GPRIN3: variants seen among roughly 807,000 people sequenced by gnomAD.
The protein encoded by GPRIN3 is G protein-regulated inducer of neurite outgrowth 3.
Under a neutral mutation model 13.7 loss-of-function variants are expected in GPRIN3, and 12 were observed. The ratio of observed to expected loss-of-function variants is 0.87; its 90% CI spans 0.56 to 1.42. The LOEUF is 1.42. Ranked by LOEUF, GPRIN3 falls within the 40% of genes most tolerant of loss-of-function variation. The pLI is 0.00. For synonymous variants in GPRIN3, 377 were observed against 372.7 expected (o/e 1.01, Z -0.13); for missense variants, 1,009 against 958.7 (o/e 1.05, Z -0.69).
chr4:89,263,082 C>T (rs1723677525), intron 1 of GPRIN3, among the ~76,000 whole-genome samples: 1 of 152,196 alleles, frequency 6.6e-6, no homozygotes, highest in African/African-American at 2.4e-5. Context: ...TCTGTCAGTA[C>T]TGGGCTTAAC....
intron 1 of GPRIN3, among the ~76,000 whole-genome samples, chr4:89,270,565 T>TTATATATA (rs1199230242): frequency 0.022 from 1,799 of 81,972 alleles, 34 homozygotes; most frequent in East Asian, 0.035. Flanking sequence ...TGTATATAAT[T>TTATATATA]TATATATATA....
At chr4:89,288,795 A>G (rs781063102) in intron 1 of GPRIN3, among the ~76,000 whole-genome samples, 21 of 152,216 alleles carry the variant, frequency 1.4e-4, no homozygotes, top group Non-Finnish European at 2.4e-4. Flanking sequence ...AACGTTAAAA[A>G]TGAGAATAAA....
intron 1 of GPRIN3, among the ~76,000 whole-genome samples, chr4:89,269,377 C>T (rs1235244526): frequency 2.0e-5 from 3 of 152,094 alleles, no homozygotes; most frequent in African/African-American, 7.2e-5. Context: ...TACTAAACTT[C>T]TCTTTCAGGG....
In GPRIN3 at chr4:89,246,334, C is replaced by G. The variant is rs1159907693; in HGVS notation, c.*1446G>C. 3.9e-5 allele frequency: 6 copies of G among 152,202 alleles called. No individual in the cohort carries two copies. Among genetic ancestry groups the G allele is most frequent in the Non-Finnish European group, 7.3e-5 (5 of 68,054 alleles). 9.4% of individuals were successfully genotyped at this position (152,202 alleles called of 1,614,324 possible). A position where few individuals can be genotyped will look rare whatever the true frequency, so the allele number is the denominator to read the frequency against. ...AAAATGGAGACCAGCACTCCCCCAA[C>G]AATATCTGCAGGAAGGGAAGGCTTC... is the stretch of plus-strand genomic sequence containing the variant. On this transcript the variant is annotated 3_prime_UTR_variant, in exon 2 of 2. Transcript: ENST00000609438.
At chr4:89,251,397 T>C (rs1723320996) in intron 1 of GPRIN3, among the ~76,000 whole-genome samples, 6 of 152,194 alleles carry the variant, frequency 3.9e-5, no homozygotes, top group Admixed American at 3.9e-4. Context: ...TACAGCTTTC[T>C]TATGGAGGCA....
Position 89,250,106 on chromosome 4 carries a change from C to G in GPRIN3, c.5G>C (p.Gly2Ala), listed in dbSNP as rs770033513. 6.2e-7 allele frequency: 1 copy of G among 1,610,590 alleles called. No individual in the cohort carries two copies. Among genetic ancestry groups the G allele is most frequent in the African/African-American group, 1.3e-5 (1 of 74,764 alleles). M[G>A]TVPDPLRSAK... ...TGATCTCAGAGGGTCAGGTACAGTC[C>G]CCATGGAATTTCTCTTCAGGAGCAC... Residue 2 changes from glycine to alanine, a missense_variant, in exon 2 of 2, where the codon GGG becomes GCG. Physicochemically the swap from Gly to Ala is moderately conservative, Grantham distance 60. Coordinates refer to ENST00000609438, the MANE Select transcript of GPRIN3 (RefSeq NM_198281.3).
chr4:89,256,538 C>T (rs770344660), intron 1 of GPRIN3, among the ~76,000 whole-genome samples: 54 of 152,248 alleles, frequency 3.5e-4, no homozygotes, highest in East Asian at 7.7e-4. Context: ...TTAAGCAGAA[C>T]GGATGGGGAG....
intron 1 of GPRIN3, among the ~76,000 whole-genome samples, chr4:89,295,790 T>C (rs1185067817): frequency 1.3e-5 from 2 of 152,088 alleles, no homozygotes; most frequent in Non-Finnish European, 2.9e-5. Flanking sequence ...GACTGTGACA[T>C]TTGTGTACCC....
intron 1 of GPRIN3, among the ~76,000 whole-genome samples, chr4:89,263,513 G>A (rs934252736): frequency 6.6e-6 from 1 of 152,170 alleles, no homozygotes; most frequent in Non-Finnish European, 1.5e-5. Flanking sequence ...GGCCAGGCAG[G>A]AAGCACTGTA....
At chr4:89,269,369 C>T (rs1472143284) in intron 1 of GPRIN3, among the ~76,000 whole-genome samples, 1 of 152,056 alleles carries the variant, frequency 6.6e-6, no homozygotes, top group Non-Finnish European at 1.5e-5. Flanking sequence ...TAGTATATTA[C>T]TAAACTTCTC....
intron 1 of GPRIN3, among the ~76,000 whole-genome samples, chr4:89,264,297 A>C (rs9307065): frequency 0.42 from 64,104 of 151,954 alleles, 14,385 homozygotes; most frequent in African/African-American, 0.58. Flanking sequence ...CCTCTCTCCC[A>C]GTTTGATCTC....
intron 1 of GPRIN3, among the ~76,000 whole-genome samples, chr4:89,256,946 C>T (rs550293954): frequency 1.3e-5 from 2 of 152,318 alleles, no homozygotes; most frequent in East Asian, 3.9e-4. Context: ...CAGATTCTGC[C>T]AGTGCAGAGT....
chr4:89,276,250 C>T (rs1284637529), intron 1 of GPRIN3, among the ~76,000 whole-genome samples: 1 of 152,026 alleles, frequency 6.6e-6, no homozygotes, highest in East Asian at 1.9e-4. Flanking sequence ...ATTTTTACTT[C>T]TCTTCTTATT....
intron 1 of GPRIN3, among the ~76,000 whole-genome samples, chr4:89,260,840 C>T: frequency 6.6e-6 from 1 of 152,134 alleles, no homozygotes; most frequent in East Asian, 1.9e-4. Flanking sequence ...CCTTAAATCA[C>T]ACAAAGACAA....
At chr4:89,295,236 A>G (rs970893017) in intron 1 of GPRIN3, among the ~76,000 whole-genome samples, 1 of 152,182 alleles carries the variant, frequency 6.6e-6, no homozygotes, top group African/African-American at 2.4e-5. Flanking sequence ...TTACAGCAAC[A>G]CACATTTTAA....
At chr4:89,255,631 G>A (rs1427674875) in intron 1 of GPRIN3, among the ~76,000 whole-genome samples, 1 of 152,098 alleles carries the variant, frequency 6.6e-6, no homozygotes, top group Non-Finnish European at 1.5e-5. Flanking sequence ...CAAGCGAAGG[G>A]GGATTTTTGC....
intron 1 of GPRIN3, among the ~76,000 whole-genome samples, chr4:89,278,595 T>C (rs1041219675): frequency 6.6e-6 from 1 of 152,354 alleles, no homozygotes; most frequent in South Asian, 2.1e-4. Context: ...AAGAATTTAT[T>C]AGAATAACAA....
chr4:89,268,828 A>G (rs997373336), intron 1 of GPRIN3, among the ~76,000 whole-genome samples: 7 of 152,202 alleles, frequency 4.6e-5, no homozygotes, highest in Admixed American at 3.3e-4. Context: ...TTCACACCCC[A>G]GAATTTGGCA....
intron 1 of GPRIN3, among the ~76,000 whole-genome samples, chr4:89,306,236 C>T (rs1578123160): frequency 6.6e-6 from 1 of 152,220 alleles, no homozygotes; most frequent in African/African-American, 2.4e-5. Flanking sequence ...CCTTTATTCC[C>T]ACAATTGTTA....
Sources: allele counts gnomAD v4.1 joint callset (sites outside exome capture counted in the v4.1 genomes callset), GRCh38; gene constraint gnomAD v4.1.1; transcripts MANE v1.5; gene names NCBI Gene and HGNC (gene_info 2026-07-23, HGNC 2026-07-21).